CSMD1: variants seen among roughly 807,000 people sequenced by gnomAD.
CSMD1 encodes CUB and Sushi multiple domains 1.
Under a neutral mutation model 417.5 loss-of-function variants are expected in CSMD1, and 213 were observed. That is an observed-to-expected ratio of 0.51 (90% CI 0.46 to 0.57). The LOEUF is 0.57. CSMD1 is among the 20% of genes least tolerant of loss of function. The pLI is 0.00. For missense variants in CSMD1, 6,923 were observed against 4,529.7 expected, an observed-to-expected ratio of 1.53 and a Z score of -15.17; for synonymous variants, 2,862 against 1,736.8, an observed-to-expected ratio of 1.65 and a Z score of -16.11.
rs561099062 is a variant in CSMD1 at position 3,594,525 on chromosome 8, C to A, written c.1098-8265G>T. ...GACAATTGCATATAACTTGGTTTGTCCAGGAATGTTTTTCAAAGGTTATTT... is the reference window on the plus strand; with the variant it reads ...GACAATTGCATATAACTTGGTTTGTACAGGAATGTTTTTCAAAGGTTATTT... On this transcript the variant is annotated intron_variant, in intron 8 of 69. Transcript: ENST00000635120. Among the ~76,000 whole-genome samples, 40 of 152,124 alleles carry A rather than the reference C, an allele frequency of 2.6e-4. No individual in the cohort carries two copies. In the South Asian group the frequency reaches 7.1e-3, roughly 27 times the overall value.
At chr8:3,941,837 T>G (rs985763583) in intron 5 of CSMD1, among the ~76,000 whole-genome samples, 1 of 152,132 alleles carries the variant, frequency 6.6e-6, no homozygotes, top group Non-Finnish European at 1.5e-5. Flanking sequence ...GCGCAATTCC[T>G]TAAACCAAAA....
intron 1 of CSMD1, among the ~76,000 whole-genome samples, chr8:4,902,985 TA>T (rs1451449991): frequency 2.1e-4 from 28 of 134,440 alleles, no homozygotes; most frequent in Admixed American, 6.0e-4. Flanking sequence ...TAAATAATAA[TA>T]AATAAATGAT....
chr8:3,048,559 C>A lies in CSMD1; in HGVS notation c.7660+3903G>T, dbSNP rs553325999. Reference sequence around the variant, plus strand: ...TCTAAAAAATAATCCAGACACAGACCTTTTGCCCTTCAGAAAAATTAATCC... The same window carrying A: ...TCTAAAAAATAATCCAGACACAGACATTTTGCCCTTCAGAAAAATTAATCC... On this transcript the variant is annotated intron_variant, in intron 50 of 69. Transcript: ENST00000635120. 9.8e-4 allele frequency among the ~76,000 whole-genome samples: 149 copies of A among 152,162 alleles called. 3 individuals carry two copies. In the South Asian group the frequency reaches 0.028, roughly 28 times the overall value.
At chr8:3,927,678 T>C (rs767717602) in intron 5 of CSMD1, among the ~76,000 whole-genome samples, 9 of 151,772 alleles carry the variant, frequency 5.9e-5, no homozygotes, top group Non-Finnish European at 4.4e-5. Context: ...CATCTCAAAA[T>C]AGAAAAGAAA....
intron 2 of CSMD1, among the ~76,000 whole-genome samples, chr8:4,611,420 A>C (rs1210315300): frequency 6.6e-6 from 1 of 152,180 alleles, no homozygotes; most frequent in African/African-American, 2.4e-5. Flanking sequence ...TTAATGTTTT[A>C]AACTCCACTG....
intron 5 of CSMD1, among the ~76,000 whole-genome samples, chr8:3,806,080 G>A (rs538469786): frequency 1.1e-3 from 161 of 152,162 alleles, no homozygotes; most frequent in South Asian, 9.8e-3. Context: ...AAAAATTGTT[G>A]GTTTAGTGGT....
At chr8:4,218,819 C>A (rs538106995) in intron 3 of CSMD1, among the ~76,000 whole-genome samples, 1 of 152,088 alleles carries the variant, frequency 6.6e-6, no homozygotes, top group Admixed American at 6.5e-5. Flanking sequence ...AGTGTCAATC[C>A]TTTTATTCTG....
intron 5 of CSMD1, among the ~76,000 whole-genome samples, chr8:3,760,205 A>G (rs1420132739): frequency 1.3e-5 from 2 of 152,200 alleles, no homozygotes; most frequent in African/African-American, 4.8e-5. Context: ...GAAACCCACA[A>G]AGCCATTCAG....
At chr8:3,753,748 G>C (rs866797071) in intron 6 of CSMD1, among the ~76,000 whole-genome samples, 182 bp downstream of exon 6, 11 of 152,162 alleles carry the variant, frequency 7.2e-5, no homozygotes, top group South Asian at 2.1e-4. Flanking sequence ...CTGTGATAGT[G>C]ATATAGCTTT....
At chr8:3,280,442 T>C (rs1802645377) in intron 26 of CSMD1, among the ~76,000 whole-genome samples, 1 of 152,226 alleles carries the variant, frequency 6.6e-6, no homozygotes, top group South Asian at 2.1e-4. Context: ...TAAGTTTTTA[T>C]ATCTTGTTTT....
chr8:3,413,003 G>C (rs1471718889), intron 12 of CSMD1, among the ~76,000 whole-genome samples: 1 of 152,154 alleles, frequency 6.6e-6, no homozygotes, highest in Non-Finnish European at 1.5e-5. Context: ...ATTTGGTTTT[G>C]AATCCCCCAG....
At chr8:4,197,365 G>C (rs986184702) in intron 3 of CSMD1, among the ~76,000 whole-genome samples, 1 of 152,160 alleles carries the variant, frequency 6.6e-6, no homozygotes, top group Non-Finnish European at 1.5e-5. Context: ...ACATTATTGT[G>C]GGTGTGTCTG....
chr8:3,649,036 A>C (rs912342591), intron 7 of CSMD1, among the ~76,000 whole-genome samples: 6 of 152,290 alleles, frequency 3.9e-5, no homozygotes, highest in South Asian at 2.1e-4. Context: ...CACAGAGTTC[A>C]TCAATGGAAG....
At chr8:4,677,169 T>G (rs1249839131) in intron 1 of CSMD1, among the ~76,000 whole-genome samples, 7 of 149,544 alleles carry the variant, frequency 4.7e-5, no homozygotes, top group African/African-American at 1.2e-4. Context: ...CTATCGGATT[T>G]TATCATTTAT....
At chr8:3,481,487 T>C (rs1332424738) in intron 11 of CSMD1, among the ~76,000 whole-genome samples, 1 of 152,172 alleles carries the variant, frequency 6.6e-6, no homozygotes, top group Non-Finnish European at 1.5e-5. Context: ...GCATTAGTTG[T>C]AGTAAGATAA....
At chr8:4,580,164 T>G (rs907419720) in intron 2 of CSMD1, among the ~76,000 whole-genome samples, 1 of 152,184 alleles carries the variant, frequency 6.6e-6, no homozygotes, top group African/African-American at 2.4e-5. Context: ...GGCACTGCTT[T>G]CAACTGTTAT....
At chr8:4,429,979 T>G (rs1306946642) in intron 2 of CSMD1, among the ~76,000 whole-genome samples, 1 of 152,176 alleles carries the variant, frequency 6.6e-6, no homozygotes, top group Non-Finnish European at 1.5e-5. Flanking sequence ...CACTGGAAGC[T>G]GAGCTGGAAG....
intron 1 of CSMD1, among the ~76,000 whole-genome samples, chr8:4,822,970 A>T (rs1457190): frequency 0.46 from 69,822 of 151,884 alleles, 16,576 homozygotes; most frequent in Non-Finnish European, 0.53. Flanking sequence ...GATCCCATCT[A>T]GCAACCATTT....
chr8:3,969,202 A>T (rs1252460513), intron 5 of CSMD1, among the ~76,000 whole-genome samples: 1 of 152,110 alleles, frequency 6.6e-6, no homozygotes, highest in East Asian at 1.9e-4. Flanking sequence ...GTGAGCCTAG[A>T]TCGTGACACT....
Sources: allele counts gnomAD v4.1 joint callset (sites outside exome capture counted in the v4.1 genomes callset), GRCh38; gene constraint gnomAD v4.1.1; transcripts MANE v1.5; gene names NCBI Gene and HGNC (gene_info 2026-07-23, HGNC 2026-07-21).